Variants in EMCN observed in about 807,000 individuals in gnomAD.
The protein encoded by EMCN is endomucin.
Under a neutral mutation model 38.4 loss-of-function variants are expected in EMCN, and 37 were observed. That is an observed-to-expected ratio of 0.96 (90% CI 0.74 to 1.27). The LOEUF (loss-of-function observed/expected upper bound fraction) is 1.27, where lower values mean the gene tolerates loss of function less well. EMCN is among the 50% of genes most tolerant of loss of function. The pLI, the probability that EMCN is intolerant of heterozygous loss-of-function variation, is 0.00. For synonymous variants in EMCN, 95 were observed against 100.8 expected, an observed-to-expected ratio of 0.94 and a Z score of 0.35; for missense variants, 318 against 302.8, an observed-to-expected ratio of 1.05 and a Z score of -0.37.
At chr4:100,444,823 G>A (rs931151169) in intron 5 of EMCN, among the ~76,000 whole-genome samples, 2 of 152,070 alleles carry the variant, frequency 1.3e-5, no homozygotes, top group African/African-American at 4.8e-5. Flanking sequence ...AGAAGAGGAG[G>A]GAGGGCCACA....
rs79168268 is a variant in EMCN at position 100,399,445 on chromosome 4, C to T, written c.*40-1072G>A. The stretch of plus-strand genomic sequence containing the variant: ...AGGCAAGTTCTTTGATAGGGATGGC[C>T]GAACTGTTGCTTTACATGGGGGAAA... On this transcript the variant is annotated intron_variant, in intron 11 of 11. Coordinates refer to ENST00000296420, the MANE Select transcript of EMCN (RefSeq NM_016242.4). Among the ~76,000 whole-genome samples the T allele has an allele frequency of 6.9e-4, 105 of 152,104 alleles. 4 individuals are homozygous for T. The East Asian group carries it at 0.013, about 18-fold the overall frequency.
At chr4:100,466,701 AG>A (rs1039863189) in intron 3 of EMCN, among the ~76,000 whole-genome samples, 1 of 152,212 alleles carries the variant, frequency 6.6e-6, no homozygotes, top group Non-Finnish European at 1.5e-5. Context: ...GCCTTATTAC[AG>A]CAAGAAAGCA....
chr4:100,486,154 T>C (rs1728935290), intron 1 of EMCN, among the ~76,000 whole-genome samples: 1 of 152,204 alleles, frequency 6.6e-6, no homozygotes, highest in South Asian at 2.1e-4. Context: ...TTCTACACAA[T>C]ATTAAGTGAA....
intron 1 of EMCN, among the ~76,000 whole-genome samples, chr4:100,493,123 G>A (rs534718643): frequency 1.4e-4 from 22 of 152,068 alleles, no homozygotes; most frequent in Admixed American, 2.6e-4. Context: ...TAATACTGTC[G>A]CTATACAGTC....
chr4:100,483,741 T>C (rs892235785), intron 1 of EMCN, among the ~76,000 whole-genome samples: 1 of 152,164 alleles, frequency 6.6e-6, no homozygotes, highest in Non-Finnish European at 1.5e-5. Context: ...TTGAAGGTTT[T>C]GTAGACCATG....
intron 5 of EMCN, among the ~76,000 whole-genome samples, chr4:100,445,721 A>T (rs1289275458): frequency 2.6e-5 from 4 of 152,190 alleles, no homozygotes; most frequent in Non-Finnish European, 5.9e-5. Context: ...TAATCTGAAA[A>T]AAACCAGAAG....
chr4:100,458,451 T>C (rs1159491151), intron 4 of EMCN, among the ~76,000 whole-genome samples: 2 of 152,182 alleles, frequency 1.3e-5, no homozygotes, highest in African/African-American at 2.4e-5. Context: ...ACAAAATGCA[T>C]ACAACCTTAA....
chr4:100,491,967 A>T (rs923165150), intron 1 of EMCN, among the ~76,000 whole-genome samples: 9 of 152,224 alleles, frequency 5.9e-5, no homozygotes, highest in African/African-American at 2.2e-4. Flanking sequence ...ATGTACAGAC[A>T]CCAATGCAAG....
In EMCN at chr4:100,397,334, T is replaced by G. The variant is rs1235027908; in HGVS notation, c.*1079A>C. Reference sequence around the variant, plus strand: ...GTGGTCAAGGTTGATCAGTTAGCTTTTAACAGAAGAATTTGCTCCTGATGG... The same window carrying G: ...GTGGTCAAGGTTGATCAGTTAGCTTGTAACAGAAGAATTTGCTCCTGATGG... On this transcript the variant is annotated 3_prime_UTR_variant, in exon 12 of 12. Coordinates refer to ENST00000296420, the MANE Select transcript of EMCN (RefSeq NM_016242.4). The G allele has an allele frequency of 1.3e-5, 2 of 152,182 alleles. No individual in the cohort carries two copies. Among genetic ancestry groups the G allele is most frequent in the East Asian group, 1.9e-4 (1 of 5,182 alleles). The allele number at this position is 152,182 out of a possible 1,614,324, so 9.4% of individuals were successfully genotyped here. A position where few individuals can be genotyped will look rare whatever the true frequency, so the allele number is the denominator to read the frequency against.
At chr4:100,448,811 C>CCTTG (rs1727752705) in intron 4 of EMCN, among the ~76,000 whole-genome samples, 1 of 141,914 alleles carries the variant, frequency 7.0e-6, no homozygotes, top group Non-Finnish European at 1.5e-5. Flanking sequence ...TTCCTTCCTT[C>CCTTG]CTTCCTTCCT....
At chr4:100,457,557 C>T (rs1415141304) in intron 4 of EMCN, among the ~76,000 whole-genome samples, 1 of 152,156 alleles carries the variant, frequency 6.6e-6, no homozygotes, top group Non-Finnish European at 1.5e-5. Flanking sequence ...TTGAGATAAT[C>T]ATGTGGCTAT....
chr4:100,447,572 C>T lies in EMCN; in HGVS notation c.377-1G>A, dbSNP rs746786058. 26 of 1,594,312 alleles carry T rather than the reference C, an allele frequency of 1.6e-5. No homozygotes were observed. The highest frequency in any genetic ancestry group is 2.2e-5 in the Non-Finnish European group (26 of 1,164,800). On this transcript the variant is annotated splice_acceptor_variant, in intron 4 of 11. Transcript: ENST00000296420. LOFTEE classifies it high-confidence loss of function. ...GTTTTAATTGAACTCTGAGTTTCAG[C>T]TTTAGAAGGAAAAAAAGAAAAAAAA...
At chr4:100,422,797 TTTTCTTTC>T (rs980899816) in intron 7 of EMCN, among the ~76,000 whole-genome samples, 5 of 140,556 alleles carry the variant, frequency 3.6e-5, no homozygotes, top group African/African-American at 5.3e-5. Flanking sequence ...TCCTCTTCTG[TTTTCTTTC>T]TTTCTTTCTT....
intron 1 of EMCN, among the ~76,000 whole-genome samples, chr4:100,489,861 G>A (rs1253423290): frequency 6.6e-6 from 1 of 152,114 alleles, no homozygotes; most frequent in Non-Finnish European, 1.5e-5. Flanking sequence ...GTACCTGCAG[G>A]TGTCCTAGAA....
intron 1 of EMCN, among the ~76,000 whole-genome samples, chr4:100,481,853 C>G (rs947453417): frequency 2.0e-5 from 3 of 151,320 alleles, no homozygotes; most frequent in Admixed American, 2.0e-4. Context: ...TTCCTTCCTT[C>G]CTTCCTTTCT....
intron 8 of EMCN, among the ~76,000 whole-genome samples, chr4:100,421,029 T>A (rs1726872302): frequency 6.6e-6 from 1 of 152,030 alleles, no homozygotes; most frequent in Admixed American, 6.6e-5. Flanking sequence ...TGACCACCCA[T>A]AAAATTTGGG....
At chr4:100,479,599 T>C (rs558773426) in intron 2 of EMCN, among the ~76,000 whole-genome samples, 1 of 152,136 alleles carries the variant, frequency 6.6e-6, no homozygotes, top group East Asian at 1.9e-4. Flanking sequence ...AGAACTGGAA[T>C]ATTTAGAAAG....
intron 3 of EMCN, among the ~76,000 whole-genome samples, chr4:100,469,344 A>T (rs925544989): frequency 6.6e-6 from 1 of 152,124 alleles, no homozygotes; most frequent in East Asian, 1.9e-4. Context: ...TGGATATTAC[A>T]TCAAAAGCTC....
chr4:100,455,173 C>T (rs578142527), intron 4 of EMCN, among the ~76,000 whole-genome samples: 133 of 151,890 alleles, frequency 8.8e-4, no homozygotes, highest in African/African-American at 2.8e-3. Flanking sequence ...TATTTATCTC[C>T]AGTATTGATT....
Sources: allele counts gnomAD v4.1 joint callset (sites outside exome capture counted in the v4.1 genomes callset), GRCh38; gene constraint gnomAD v4.1.1; transcripts MANE v1.5; gene names NCBI Gene and HGNC (gene_info 2026-07-23, HGNC 2026-07-21).